CDH13: variants seen among roughly 807,000 people sequenced by gnomAD.
CDH13 encodes cadherin 13, also known as cadherin-13.
Under a neutral mutation model 63.8 loss-of-function variants are expected in CDH13, and 24 were observed. That is an observed-to-expected ratio of 0.38 (90% CI 0.27 to 0.53). CDH13 has a LOEUF of 0.53. Among genes scored for constraint, CDH13 ranks in the 20% least tolerant of loss-of-function variants. The probability of loss-of-function intolerance (pLI) is 0.85; values close to 1 mark genes in which losing one functional copy is unlikely to be tolerated. For synonymous variants in CDH13, 503 were observed against 355.3 expected, an observed-to-expected ratio of 1.42 and a Z score of -4.67; for missense variants, 1,049 against 903.1, an observed-to-expected ratio of 1.16 and a Z score of -2.07.
At chr16:83,679,947 T>G (rs956251625) in intron 10 of CDH13, among the ~76,000 whole-genome samples, 1 of 152,132 alleles carries the variant, frequency 6.6e-6, no homozygotes, top group Non-Finnish European at 1.5e-5. Flanking sequence ...TGGAGGTGTC[T>G]GGGACCCAGG....
rs75971759 is a variant in CDH13, at chr16:82,703,636, C to T, written c.45+76499C>T. Among the ~76,000 whole-genome samples, 511 of 152,250 alleles carry T rather than the reference C, an allele frequency of 3.4e-3. 2 individuals are homozygous for T. The highest frequency in any genetic ancestry group is 0.012 in the African/African-American group (491 of 41,520). On this transcript the variant is annotated intron_variant, in intron 1 of 13. Coordinates refer to ENST00000567109, the MANE Select transcript of CDH13 (RefSeq NM_001257.5). Reference sequence around the variant, plus strand: ...TAAATAAGCTACTTACATTCGAGAACTAATTCCAATAATACGCTACTTAAG... The same window carrying T: ...TAAATAAGCTACTTACATTCGAGAATTAATTCCAATAATACGCTACTTAAG...
intron 7 of CDH13, among the ~76,000 whole-genome samples, chr16:83,567,276 A>T (rs1476786283): frequency 2.0e-5 from 3 of 152,196 alleles, no homozygotes; most frequent in African/African-American, 7.2e-5. Flanking sequence ...TGTAGAAGAA[A>T]AGGCCATATC....
chr16:83,592,344 G>T (rs770513650), intron 7 of CDH13, among the ~76,000 whole-genome samples: 1 of 152,042 alleles, frequency 6.6e-6, no homozygotes. Context: ...CTTGCCTTTT[G>T]TTCATCTCTC....
At chr16:82,751,613 C>T (rs959775952) in intron 1 of CDH13, among the ~76,000 whole-genome samples, 1 of 151,868 alleles carries the variant, frequency 6.6e-6, no homozygotes, top group Non-Finnish European at 1.5e-5. Flanking sequence ...CAGACTTATC[C>T]TTCATATATT....
At chr16:82,693,892 T>G (rs2029934148) in intron 1 of CDH13, among the ~76,000 whole-genome samples, 1 of 152,196 alleles carries the variant, frequency 6.6e-6, no homozygotes, top group Non-Finnish European at 1.5e-5. Flanking sequence ...ATAACATTCT[T>G]GGTTCAAACT....
At chr16:83,520,148 C>G (rs1173117003) in intron 7 of CDH13, among the ~76,000 whole-genome samples, 1 of 152,010 alleles carries the variant, frequency 6.6e-6, no homozygotes. Flanking sequence ...AGTCTTGAAA[C>G]AATACATATG....
intron 8 of CDH13, among the ~76,000 whole-genome samples, chr16:83,653,919 G>T (rs1187235320): frequency 1.3e-5 from 2 of 152,192 alleles, no homozygotes; most frequent in Non-Finnish European, 2.9e-5. Context: ...ACAGACAGGG[G>T]ATTGAAGGCT....
chr16:82,760,477 A>G (rs1368804224), intron 1 of CDH13, among the ~76,000 whole-genome samples: 1 of 152,102 alleles, frequency 6.6e-6, no homozygotes, highest in Non-Finnish European at 1.5e-5. Flanking sequence ...TATTAATATT[A>G]TGGCATTACA....
chr16:83,760,002 T>C (rs1381607281), intron 11 of CDH13, among the ~76,000 whole-genome samples: 1 of 146,764 alleles, frequency 6.8e-6, no homozygotes, highest in Admixed American at 6.7e-5. Flanking sequence ...CAAAGAAGAA[T>C]AGATAAGAGA....
chr16:83,388,440 G>C lies in CDH13; in HGVS notation c.781+43434G>C, dbSNP rs1363946411. On this transcript the variant is annotated intron_variant, in intron 6 of 13. Coordinates refer to ENST00000567109, the MANE Select transcript of CDH13 (RefSeq NM_001257.5). ...TGCACTCCAGCTTGGCCAACAGTAA[G>C]ATCCTGTCTCAAAAAAATCACATTT... 1.1e-4 allele frequency among the ~76,000 whole-genome samples: 16 copies of C among 152,074 alleles called. 1 individual carries two copies. Among genetic ancestry groups the C allele is most frequent in the Admixed American group, 1.0e-3 (16 of 15,262 alleles).
intron 6 of CDH13, among the ~76,000 whole-genome samples, chr16:83,452,805 G>C (rs943127388): frequency 7.9e-5 from 12 of 152,208 alleles, no homozygotes; most frequent in African/African-American, 2.9e-4. Flanking sequence ...CGTGGATGAA[G>C]TGATACTGGA....
intron 7 of CDH13, among the ~76,000 whole-genome samples, chr16:83,496,865 C>G: frequency 6.6e-6 from 1 of 152,196 alleles, no homozygotes. Context: ...TGAACAGACA[C>G]TTCTCAAAAG....
intron 4 of CDH13, among the ~76,000 whole-genome samples, chr16:83,162,436 T>C (rs955213078): frequency 6.6e-6 from 1 of 152,188 alleles, no homozygotes; most frequent in Non-Finnish European, 1.5e-5. Flanking sequence ...TTCAGAGTTG[T>C]TGAGTGGTTT....
intron 2 of CDH13, among the ~76,000 whole-genome samples, chr16:83,000,402 C>T (rs1912776671): frequency 6.6e-6 from 1 of 150,472 alleles, no homozygotes; most frequent in Non-Finnish European, 1.5e-5. Context: ...GCGCCCGCCA[C>T]CACGCCCAGC....
At chr16:82,930,039 C>CTT (rs71146098) in intron 2 of CDH13, among the ~76,000 whole-genome samples, 23,968 of 94,622 alleles carry the variant, frequency 0.25, 3,187 homozygotes, top group Non-Finnish European at 0.33. Context: ...TAGTTTGTCT[C>CTT]TTTTTTTTTT....
chr16:83,558,110 C>A (rs1190033897), intron 7 of CDH13, among the ~76,000 whole-genome samples: 4 of 152,166 alleles, frequency 2.6e-5, no homozygotes, highest in Non-Finnish European at 4.4e-5. Context: ...AAGAGTTTTG[C>A]TACACTGACA....
intron 10 of CDH13, among the ~76,000 whole-genome samples, chr16:83,688,635 G>T (rs1567516988): frequency 6.6e-6 from 1 of 152,128 alleles, no homozygotes; most frequent in Non-Finnish European, 1.5e-5. Context: ...AATGAGTTAA[G>T]ATTTTTTTCT....
At chr16:82,856,356 CAG>C (rs1337356125) in intron 1 of CDH13, among the ~76,000 whole-genome samples, 1 of 125,678 alleles carries the variant, frequency 8.0e-6, no homozygotes. Context: ...GCCTGGGCAA[CAG>C]AGAGAGACTC....
At chr16:83,629,405 C>G (rs1045499609) in intron 8 of CDH13, among the ~76,000 whole-genome samples, 3 of 152,130 alleles carry the variant, frequency 2.0e-5, no homozygotes, top group African/African-American at 4.8e-5. Flanking sequence ...AATGAATTTT[C>G]CCTCCAATTC....
Sources: gnomAD v4.1 joint callset for allele counts (sites outside exome capture counted in the v4.1 genomes callset) on GRCh38, gnomAD v4.1.1 for gene constraint, MANE v1.5 for transcripts, NCBI Gene and HGNC (gene_info 2026-07-23, HGNC 2026-07-21) for gene names.